Variants in CHST4 observed in about 807,000 individuals in gnomAD.
The protein encoded by CHST4 is carbohydrate sulfotransferase 4, also known as GST-3.
For missense variants in CHST4, 466 were observed against 506.0 expected, an observed-to-expected ratio of 0.92 and a Z score of 0.76; for synonymous variants, 171 against 195.5, an observed-to-expected ratio of 0.87 and a Z score of 1.05.
intron 1 of CHST4, among the ~76,000 whole-genome samples, chr16:71,531,262 G>A (rs184262942): frequency 2.6e-5 from 4 of 151,986 alleles, no homozygotes; most frequent in African/African-American, 4.8e-5. Flanking sequence ...CTGGTGACTC[G>A]CATCACCTCG....
chr16:71,533,473 A>C (rs2043963923), intron 1 of CHST4, among the ~76,000 whole-genome samples: 1 of 151,586 alleles, frequency 6.6e-6, no homozygotes, highest in African/African-American at 2.4e-5. Context: ...TATGTGCGGC[A>C]AGTTGAGAAA....
intron 1 of CHST4, among the ~76,000 whole-genome samples, chr16:71,535,030 C>T (rs1054900012): frequency 9.9e-5 from 15 of 152,190 alleles, no homozygotes; most frequent in African/African-American, 2.9e-4. Flanking sequence ...TCCTTTCACA[C>T]GAAGCAAGCC....
Position 71,537,775 on chromosome 16 carries a change from A to G in CHST4, c.1098A>G (p.Gln366=). The G allele has an allele frequency of 3.1e-6, 5 of 1,614,218 alleles. No homozygotes were observed. The highest frequency in any genetic ancestry group is 3.4e-6 in the Non-Finnish European group (4 of 1,180,040). Residue 366 remains glutamine (Q), a synonymous_variant, in exon 2 of 2, where the codon CAA becomes CAG. Transcript: ENST00000539698. The surrounding 1 kb of genome is among the most constrained non-coding windows in gnomAD (Gnocchi z 4.2). ...GCTACCGCCACGTCAGATCTGAACA[A>G]GAACAGAGAAACCTGTTGCTGGATC... ...LLGYRHVRSE[Q]EQRNLLLDLL... is the part of the protein sequence containing the mutation.
chr16:71,534,714 C>CT (rs36035390), intron 1 of CHST4, among the ~76,000 whole-genome samples: 1 of 152,072 alleles, frequency 6.6e-6, no homozygotes, highest in Admixed American at 6.6e-5. Context: ...ATAATAAAAA[C>CT]TTTTTAAATA....
rs1476023766 is a variant in CHST4 at position 71,537,337 on chromosome 16, T to A, written c.660T>A (p.Asp220Glu). Residue 220 changes from aspartate to glutamate, a missense_variant, in exon 2 of 2, where the codon GAT (aspartate) becomes GAA (glutamate). Coordinates refer to ENST00000539698, the MANE Select transcript of CHST4 (RefSeq NM_001166395.2). The surrounding 1 kb of genome is among the most constrained non-coding windows in gnomAD (Gnocchi z 4.2). Reference sequence around the variant, plus strand: ...GTTCCCGAGAACGCACAAAGGGAGATCTCATGATTGACAGTCGCATTGTGA... The same window carrying A: ...GTTCCCGAGAACGCACAAAGGGAGAACTCATGATTGACAGTCGCATTGTGA... ...VFRSRERTKG[D>E]LMIDSRIVMG... 1.2e-6 allele frequency: 2 copies of A among 1,614,092 alleles called. No individual in the cohort carries two copies. The highest frequency in any genetic ancestry group is 3.3e-5 in the Admixed American group (2 of 60,020).
At position 71,536,916 on chromosome 16, in the gene CHST4, T is replaced by A. The variant is rs769138143; in HGVS notation, c.239T>A (p.Met80Lys). The change falls in exon 2 of 2, where the codon ATG (methionine) becomes AAG (lysine). Residue 80 changes from methionine to lysine, a missense_variant. Met to Lys is a moderately conservative substitution (Grantham distance 95). Transcript: ENST00000539698. Reference protein sequence around the residue: ...YLMEPAWHVWMTFKQSTAWML... With the variant: ...YLMEPAWHVWKTFKQSTAWML... Reference sequence around the variant, plus strand: ...ATGGAGCCCGCCTGGCACGTGTGGATGACCTTCAAGCAGAGCACCGCCTGG... The same window carrying A: ...ATGGAGCCCGCCTGGCACGTGTGGAAGACCTTCAAGCAGAGCACCGCCTGG... 3.7e-6 allele frequency: 6 copies of A among 1,606,614 alleles called. No individual in the cohort carries two copies. In the South Asian group the frequency reaches 5.5e-5, roughly 15 times the overall value.
intron 1 of CHST4, among the ~76,000 whole-genome samples, chr16:71,534,123 G>A (rs1022192172): frequency 2.6e-5 from 4 of 151,840 alleles, no homozygotes; most frequent in African/African-American, 9.7e-5. Flanking sequence ...CAGGCTGGCA[G>A]GCACTCCTTT....
chr16:71,537,328 A>C lies in CHST4; in HGVS notation c.651A>C (p.Thr217=). 1 of 1,614,202 alleles carries C rather than the reference A, an allele frequency of 6.2e-7. No individual in the cohort carries two copies. Among genetic ancestry groups the C allele is most frequent in the Non-Finnish European group, 8.5e-7 (1 of 1,180,040 alleles). The change falls in exon 2 of 2, where the codon ACA becomes ACC. Residue 217 remains threonine (T), a synonymous_variant. Transcript: ENST00000539698. The surrounding 1 kb of genome is among the most constrained non-coding windows in gnomAD (Gnocchi z 4.2). ...PRAVFRSRER[T]KGDLMIDSRI... is the part of the protein sequence containing the mutation. ...CCGTGTTCCGTTCCCGAGAACGCAC[A>C]AAGGGAGATCTCATGATTGACAGTC...
intron 1 of CHST4, among the ~76,000 whole-genome samples, chr16:71,536,040 G>T (rs1005013908): frequency 2.0e-5 from 3 of 152,170 alleles, no homozygotes; most frequent in African/African-American, 7.2e-5. Context: ...CCTTTGAGGA[G>T]ACAATTCCAA....
In CHST4 at chr16:71,529,383, A is replaced by G. The variant is rs376582566; in HGVS notation, c.-19+2888A>G. 1.4e-4 allele frequency among the ~76,000 whole-genome samples: 21 copies of G among 152,066 alleles called. No individual in the cohort carries two copies. The South Asian group carries it at 4.4e-3, about 32-fold the overall frequency. The stretch of plus-strand genomic sequence containing the variant: ...CCAAGTAACTGAGACGGCATGGGTA[A>G]TGTGCTCACTGTTCCATGCAATCAC... On this transcript the variant is annotated intron_variant, in intron 1 of 1. Transcript: ENST00000539698.
At chr16:71,536,567 G>T (rs957313813) in intron 1 of CHST4, 93 bp from the exon 2 acceptor site, 17 of 850,790 alleles carry the variant, frequency 2.0e-5, no homozygotes, top group Non-Finnish European at 2.6e-5. Context: ...CTTGGTAGGG[G>T]GTCAGAGAGC....
In CHST4 at chr16:71,537,908, T is replaced by C. The variant is rs2044005568; in HGVS notation, c.*70T>C. ...ACTTTCTCTGAATGCTTCTGAGCCT[T>C]GCCTACATCTCTGAGCCTTAACTAC... is the stretch of plus-strand genomic sequence containing the variant. On this transcript the variant is annotated 3_prime_UTR_variant, in exon 2 of 2. Coordinates refer to ENST00000539698, the MANE Select transcript of CHST4 (RefSeq NM_001166395.2). This position sits in a 1 kb window ranked among gnomAD's most constrained non-coding sequence, Gnocchi z 4.2. 9 of 1,392,648 alleles carry C rather than the reference T, an allele frequency of 6.5e-6. No homozygotes were observed. Among genetic ancestry groups the C allele is most frequent in the Non-Finnish European group, 9.9e-7 (1 of 1,012,974 alleles). The allele number at this position is 1,392,648 out of a possible 1,614,324, so 86.3% of individuals were successfully genotyped here. A position where few individuals can be genotyped will look rare whatever the true frequency, so the allele number is the denominator to read the frequency against.
chr16:71,528,390 T>C (rs965574301), intron 1 of CHST4, among the ~76,000 whole-genome samples: 4 of 151,696 alleles, frequency 2.6e-5, no homozygotes, highest in Admixed American at 2.0e-4. Flanking sequence ...AAAAAAACAC[T>C]GTACAAATAT....
chr16:71,533,535 A>T (rs1454181223), intron 1 of CHST4, among the ~76,000 whole-genome samples: 4 of 152,152 alleles, frequency 2.6e-5, no homozygotes, highest in Non-Finnish European at 5.9e-5. Context: ...TACATTGATG[A>T]CAAAACACCA....
At chr16:71,530,717 T>A (rs1432847295) in intron 1 of CHST4, among the ~76,000 whole-genome samples, 1 of 150,974 alleles carries the variant, frequency 6.6e-6, no homozygotes, top group African/African-American at 2.4e-5. Flanking sequence ...AAGGCTGCAG[T>A]GAGCTATGAT....
chr16:71,537,456 T>C lies in CHST4; in HGVS notation c.779T>C (p.Ile260Thr). ...CQSQLEIYKT[I>T]QSLPKALQER... Reference sequence around the variant, plus strand: ...AGCCAGCTGGAGATCTACAAGACCATCCAGTCCTTGCCCAAGGCCCTGCAG... The same window carrying C: ...AGCCAGCTGGAGATCTACAAGACCACCCAGTCCTTGCCCAAGGCCCTGCAG... The change falls in exon 2 of 2, where the codon ATC (isoleucine) becomes ACC (threonine). Residue 260 changes from isoleucine to threonine, a missense_variant. Transcript: ENST00000539698. This position sits in a 1 kb window ranked among gnomAD's most constrained non-coding sequence, Gnocchi z 4.2. 1.2e-6 allele frequency: 2 copies of C among 1,614,110 alleles called. No homozygotes were observed.
At chr16:71,534,143 A>T (rs1472370104) in intron 1 of CHST4, among the ~76,000 whole-genome samples, 1 of 152,104 alleles carries the variant, frequency 6.6e-6, no homozygotes, top group Non-Finnish European at 1.5e-5. Context: ...TCCCTCCTGC[A>T]TACAGAATCT....
chr16:71,536,229 T>C (rs981191252), intron 1 of CHST4, among the ~76,000 whole-genome samples: 2 of 152,138 alleles, frequency 1.3e-5, no homozygotes, highest in Non-Finnish European at 2.9e-5. Flanking sequence ...GTAGCTTATC[T>C]CCCTCTGTCT....
intron 1 of CHST4, among the ~76,000 whole-genome samples, chr16:71,534,452 G>A (rs1053177537): frequency 5.5e-5 from 8 of 146,186 alleles, no homozygotes; most frequent in East Asian, 2.0e-4. Context: ...CTGCCTTTCT[G>A]ATTCAAGTGA....
Sources: gnomAD v4.1 joint callset for allele counts (sites outside exome capture counted in the v4.1 genomes callset) on GRCh38, gnomAD v4.1.1 for gene constraint, Gnocchi (gnomAD v3.1) non-coding constraint, MANE v1.5 for transcripts, NCBI Gene and HGNC (gene_info 2026-07-23, HGNC 2026-07-21) for gene names.